NRG3: variants seen among roughly 807,000 people sequenced by gnomAD.
NRG3 encodes the protein neuregulin 3.
A neutral mutation model predicts 66.9 loss-of-function variants in NRG3; 31 were observed. That is an observed-to-expected ratio of 0.46 (90% CI 0.35 to 0.63). The LOEUF (loss-of-function observed/expected upper bound fraction) is 0.63. Among genes scored for constraint, NRG3 ranks in the 20% least tolerant of loss-of-function variants. The pLI is 0.00. For missense variants in NRG3, 910 were observed against 878.9 expected, an observed-to-expected ratio of 1.04 and a Z score of -0.45; for synonymous variants, 393 against 359.4, an observed-to-expected ratio of 1.09 and a Z score of -1.06.
At chr10:82,503,015 G>A (rs1844345756) in intron 2 of NRG3, among the ~76,000 whole-genome samples, 1 of 152,064 alleles carries the variant, frequency 6.6e-6, no homozygotes, top group Non-Finnish European at 1.5e-5. Flanking sequence ...TGATTATAAG[G>A]TATTTCTGGA....
chr10:82,454,278 T>C (rs2091169003), intron 2 of NRG3, among the ~76,000 whole-genome samples: 1 of 152,204 alleles, frequency 6.6e-6, no homozygotes, highest in Non-Finnish European at 1.5e-5. Flanking sequence ...CTATGTACTT[T>C]ATCTGTATTA....
rs747202328 is a variant in NRG3, at chr10:82,985,512, C to A, written c.1998C>A (p.Ala666=). 4 of 1,614,034 alleles carry A rather than the reference C, an allele frequency of 2.5e-6. No individual in the cohort carries two copies. Among genetic ancestry groups the A allele is most frequent in the Non-Finnish European group, 3.4e-6 (4 of 1,179,992 alleles). ...AGGACAGTGCAAGCGAAAACACAGC[C>A]TTTCTCCCCCTGAGTCCCACAGCCA... ...ETEDSASENT[A]FLPLSPTAKS... is the part of the protein sequence containing the mutation. The change falls in exon 9 of 9, where the codon GCC becomes GCA. Residue 666 remains alanine (A), a synonymous_variant. Transcript: ENST00000372141.
intron 2 of NRG3, among the ~76,000 whole-genome samples, chr10:82,641,893 T>A (rs1157288318): frequency 1.3e-5 from 2 of 152,126 alleles, no homozygotes; most frequent in African/African-American, 2.4e-5. Context: ...CATGGATAGA[T>A]CATGTAGTGG....
intron 3 of NRG3, among the ~76,000 whole-genome samples, chr10:82,759,594 C>T (rs927632669): frequency 1.3e-5 from 2 of 152,118 alleles, no homozygotes; most frequent in African/African-American, 2.4e-5. Flanking sequence ...TCACTGAGAT[C>T]CTGCACATAG....
chr10:82,743,701 T>C (rs2058525650), intron 3 of NRG3, among the ~76,000 whole-genome samples: 1 of 151,798 alleles, frequency 6.6e-6, no homozygotes, highest in Admixed American at 6.6e-5. Flanking sequence ...TTGCCATATG[T>C]GTCACAGTGA....
rs77263486 is a variant in NRG3 at position 82,144,435 on chromosome 10, C to T, written c.824-214304C>T. Among the ~76,000 whole-genome samples the T allele has an allele frequency of 8.9e-3, 1,355 of 152,310 alleles. 11 individuals carry two copies. Among genetic ancestry groups the T allele is most frequent in the East Asian group, 0.047 (245 of 5,166 alleles). ...CTGTGTATTATCATAGGCAACACCA[C>T]CCAGGACACCTGGCCATCTTCCATT... On this transcript the variant is annotated intron_variant, in intron 1 of 8. Transcript: ENST00000372141.
At chr10:82,459,485 A>T (rs2091418865) in intron 2 of NRG3, among the ~76,000 whole-genome samples, 1 of 152,212 alleles carries the variant, frequency 6.6e-6, no homozygotes, top group African/African-American at 2.4e-5. Context: ...GGAGGATGCA[A>T]TAGTGAGCAC....
At chr10:82,057,376 A>G (rs1057101824) in intron 1 of NRG3, among the ~76,000 whole-genome samples, 1 of 152,136 alleles carries the variant, frequency 6.6e-6, no homozygotes, top group African/African-American at 2.4e-5. Context: ...TCTCTGTGTC[A>G]TAAGTCCAAT....
At chr10:81,945,561 C>T (rs557226487) in intron 1 of NRG3, among the ~76,000 whole-genome samples, 1 of 152,196 alleles carries the variant, frequency 6.6e-6, no homozygotes, top group African/African-American at 2.4e-5. Flanking sequence ...AAAACAAAAG[C>T]AATCTTATAC....
At chr10:82,656,186 T>C (rs1479282611) in intron 2 of NRG3, among the ~76,000 whole-genome samples, 1 of 152,074 alleles carries the variant, frequency 6.6e-6, no homozygotes, top group Admixed American at 6.6e-5. Flanking sequence ...TTAAAATAAA[T>C]AACTGCATTG....
At chr10:82,682,559 C>G (rs1349475762) in intron 2 of NRG3, among the ~76,000 whole-genome samples, 1 of 152,094 alleles carries the variant, frequency 6.6e-6, no homozygotes, top group Non-Finnish European at 1.5e-5. Context: ...GTTGAGTGAC[C>G]TTGTACAGTT....
intron 3 of NRG3, chr10:82,843,203 G>A (rs978271626): frequency 2.2e-6 from 1 of 449,160 alleles, no homozygotes; most frequent in South Asian, 1.6e-5. Context: ...CAACTCATGT[G>A]GAAATTTGTC....
intron 2 of NRG3, among the ~76,000 whole-genome samples, chr10:82,720,315 G>A (rs536888838): frequency 1.2e-4 from 19 of 152,110 alleles, no homozygotes; most frequent in East Asian, 3.9e-4. Flanking sequence ...CCTTGAACCC[G>A]GGAGGCAGAG....
At chr10:82,050,790 A>T (rs1589918703) in intron 1 of NRG3, among the ~76,000 whole-genome samples, 1 of 73,502 alleles carries the variant, frequency 1.4e-5, no homozygotes, top group Admixed American at 1.5e-4. Context: ...TTCCTCTCAG[A>T]CTCCTCCTAC....
chr10:81,958,814 A>G (rs543826733), intron 1 of NRG3, among the ~76,000 whole-genome samples: 3 of 152,202 alleles, frequency 2.0e-5, no homozygotes, highest in East Asian at 1.9e-4. Flanking sequence ...ACTTGAACCC[A>G]GGAGGCAGAG....
chr10:81,918,958 T>C (rs1293818907), intron 1 of NRG3, among the ~76,000 whole-genome samples: 1 of 135,098 alleles, frequency 7.4e-6, no homozygotes, highest in Non-Finnish European at 1.5e-5. Context: ...CATTAACTAC[T>C]ATTGCATCAT....
At chr10:82,918,057 T>C (rs968479163) in intron 4 of NRG3, among the ~76,000 whole-genome samples, 7 of 151,006 alleles carry the variant, frequency 4.6e-5, no homozygotes, top group African/African-American at 1.7e-4. Flanking sequence ...TATTTTTTCC[T>C]GGGATTTGTC....
chr10:82,837,646 C>T (rs546296991), intron 3 of NRG3, among the ~76,000 whole-genome samples: 5 of 152,136 alleles, frequency 3.3e-5, no homozygotes, highest in African/African-American at 1.2e-4. Flanking sequence ...CCCAGACTAA[C>T]CAGCTGGTGC....
In NRG3 at chr10:82,532,620, TAGAG is replaced by T. The variant is rs527964168; in HGVS notation, c.953+173757_953+173760del. On this transcript the variant is annotated intron_variant, in intron 2 of 8. Coordinates refer to ENST00000372141, the MANE Select transcript of NRG3 (RefSeq NM_001010848.4). ...ATGTATATATGTATATAGTACTATA[TAGAG>T]AGAGTACTATATATATATGCATATA... Among the ~76,000 whole-genome samples the T allele has an allele frequency of 8.7e-4, 129 of 148,828 alleles. 1 individual carries two copies. In the South Asian group the frequency reaches 0.012, roughly 14 times the overall value.
Sources: gnomAD v4.1 joint callset for allele counts (sites outside exome capture counted in the v4.1 genomes callset) on GRCh38, gnomAD v4.1.1 for gene constraint, MANE v1.5 for transcripts, NCBI Gene and HGNC (gene_info 2026-07-23, HGNC 2026-07-21) for gene names.